The following GALNTL6 variants were observed in gnomAD, a reference collection of about 807,000 sequenced individuals.
GALNTL6 encodes the protein polypeptide N-acetylgalactosaminyltransferase-like 6.
In GALNTL6, 46 loss-of-function variants were observed where a neutral mutation model predicts 73.7. That is an observed-to-expected ratio of 0.62 (90% CI 0.49 to 0.80). The LOEUF (loss-of-function observed/expected upper bound fraction) is 0.80. Among genes scored for constraint, GALNTL6 ranks in the 30% least tolerant of loss-of-function variants. The pLI, the probability that GALNTL6 is intolerant of heterozygous loss-of-function variation, is 0.00. For missense variants in GALNTL6, 604 were observed against 755.0 expected, an observed-to-expected ratio of 0.80 and a Z score of 2.34; for synonymous variants, 259 against 263.7, an observed-to-expected ratio of 0.98 and a Z score of 0.17.
At chr4:172,371,387 C>G (rs1000433885) in intron 5 of GALNTL6, among the ~76,000 whole-genome samples, 1 of 152,264 alleles carries the variant, frequency 6.6e-6, no homozygotes, top group East Asian at 1.9e-4. Context: ...CGGGCTATGC[C>G]CTTGTTTACA....
chr4:171,899,304 CTCAT>C (rs1343642869), intron 2 of GALNTL6, among the ~76,000 whole-genome samples: 2 of 152,018 alleles, frequency 1.3e-5, no homozygotes, highest in African/African-American at 2.4e-5. Context: ...TATTTTTATT[CTCAT>C]TCAAAGTATT....
chr4:172,080,449 C>A (rs910486806), intron 2 of GALNTL6, among the ~76,000 whole-genome samples: 1 of 152,106 alleles, frequency 6.6e-6, no homozygotes, highest in Middle Eastern at 3.2e-3. Flanking sequence ...CAGGCATAAG[C>A]CACTGTGCCT....
intron 5 of GALNTL6, among the ~76,000 whole-genome samples, chr4:172,695,822 G>C (rs527326444): frequency 6.6e-6 from 1 of 151,854 alleles, no homozygotes; most frequent in Non-Finnish European, 1.5e-5. Flanking sequence ...GCATGGTGGC[G>C]GGCACCTGTA....
intron 3 of GALNTL6, among the ~76,000 whole-genome samples, chr4:172,256,209 G>T (rs77425085): frequency 1.3e-5 from 2 of 150,478 alleles, no homozygotes; most frequent in African/African-American, 2.4e-5. Flanking sequence ...CTTCTGTTTC[G>T]CCTGTAAATC....
intron 5 of GALNTL6, among the ~76,000 whole-genome samples, chr4:172,779,645 T>C (rs1402544010): frequency 6.6e-6 from 1 of 152,198 alleles, no homozygotes; most frequent in Non-Finnish European, 1.5e-5. Flanking sequence ...AGTGTCTTTT[T>C]AGGGGAATGG....
intron 2 of GALNTL6, among the ~76,000 whole-genome samples, chr4:172,027,183 A>G (rs982531498): frequency 6.6e-6 from 1 of 152,152 alleles, no homozygotes; most frequent in Non-Finnish European, 1.5e-5. Flanking sequence ...GTGCAAAGCC[A>G]CTAAGCCTGG....
chr4:172,405,429 ATATATATATATATATTTTTTTTTTTT>A (rs1445476303), intron 5 of GALNTL6, among the ~76,000 whole-genome samples: 177 of 16,260 alleles, frequency 0.011, 2 homozygotes, highest in African/African-American at 0.02. Context: ...ATATATATAT[ATATATATATATATATTTTTTTTTTTT>A]TTTTTTTTTT....
intron 2 of GALNTL6, among the ~76,000 whole-genome samples, chr4:172,051,940 C>T (rs2332452): frequency 0.79 from 120,070 of 152,046 alleles, 47,988 homozygotes; most frequent in Non-Finnish European, 0.85. Flanking sequence ...CCAGCATTGA[C>T]AGGGCTCTGG....
chr4:172,196,799 T>C (rs1038462318), intron 2 of GALNTL6, among the ~76,000 whole-genome samples: 3 of 152,074 alleles, frequency 2.0e-5, no homozygotes, highest in African/African-American at 7.2e-5. Context: ...TACCTCAAAA[T>C]AATAAGAGCC....
chr4:171,822,095 C>G (rs1232090637), intron 2 of GALNTL6, among the ~76,000 whole-genome samples: 1 of 151,198 alleles, frequency 6.6e-6, no homozygotes, highest in Non-Finnish European at 1.5e-5. Flanking sequence ...ATTTTTTTTT[C>G]TTCTTACTAA....
intron 3 of GALNTL6, among the ~76,000 whole-genome samples, chr4:172,263,271 G>A (rs529776702): frequency 1.1e-3 from 160 of 151,204 alleles, no homozygotes; most frequent in Non-Finnish European, 2.0e-3. Context: ...TAGTTTTAGT[G>A]ATTTAACATA....
At position 172,512,251 on chromosome 4, in the gene GALNTL6, T is replaced by G. The variant is rs1354300834; in HGVS notation, c.553+163562T>G. Among the ~76,000 whole-genome samples the G allele has an allele frequency of 7.0e-4, 38 of 54,088 alleles. 14 individuals carry two copies. The highest frequency in any genetic ancestry group is 1.8e-3 in the African/African-American group (38 of 21,256). The allele number at this position is 54,088 out of a possible 152,430, so 35.5% of individuals were successfully genotyped here. Reference sequence around the variant, plus strand: ...AAGTCTATTTTGTCTGAGATAGAAATAGCTACTCCTGCTCACTTTTGCTGT... The same window carrying G: ...AAGTCTATTTTGTCTGAGATAGAAAGAGCTACTCCTGCTCACTTTTGCTGT... On this transcript the variant is annotated intron_variant, in intron 5 of 12. Transcript: ENST00000506823.
chr4:172,754,857 A>AT (rs1283441673), intron 5 of GALNTL6, among the ~76,000 whole-genome samples: 5 of 151,658 alleles, frequency 3.3e-5, no homozygotes, highest in African/African-American at 1.2e-4. Flanking sequence ...AAAAAAAAAA[A>AT]AGAAAATGAA....
intron 5 of GALNTL6, among the ~76,000 whole-genome samples, chr4:172,754,680 A>T (rs1265244707): frequency 1.3e-5 from 2 of 152,170 alleles, no homozygotes; most frequent in African/African-American, 4.8e-5. Flanking sequence ...AAATTAAGCT[A>T]TGTTTTTATG....
intron 5 of GALNTL6, among the ~76,000 whole-genome samples, chr4:172,567,174 A>G (rs1010745870): frequency 6.6e-6 from 1 of 151,734 alleles, no homozygotes; most frequent in African/African-American, 2.4e-5. Context: ...ATCTTCACTC[A>G]TTAGTATTTT....
chr4:171,975,126 C>T (rs1054669508), intron 2 of GALNTL6, among the ~76,000 whole-genome samples: 1 of 152,162 alleles, frequency 6.6e-6, no homozygotes, highest in Non-Finnish European at 1.5e-5. Context: ...GTAGTAAGCA[C>T]TTTGCTAAGT....
intron 5 of GALNTL6, among the ~76,000 whole-genome samples, chr4:172,455,893 C>T (rs1732382063): frequency 6.6e-6 from 1 of 152,196 alleles, no homozygotes; most frequent in Non-Finnish European, 1.5e-5. Flanking sequence ...ACCCCAGTGC[C>T]TCCTGACTGG....
chr4:172,483,845 TCTTTTGAGA>T (rs918733206), intron 5 of GALNTL6, among the ~76,000 whole-genome samples: 2 of 152,064 alleles, frequency 1.3e-5, no homozygotes, highest in African/African-American at 4.8e-5. Flanking sequence ...AAAAAAAGAA[TCTTTTGAGA>T]CTAGAAAGGT....
intron 2 of GALNTL6, among the ~76,000 whole-genome samples, chr4:172,007,555 CA>C (rs1740877711): frequency 6.6e-6 from 1 of 151,944 alleles, no homozygotes; most frequent in Admixed American, 6.6e-5. Flanking sequence ...ATCGATCATT[CA>C]AAAAGTGAAA....
Sources: allele counts gnomAD v4.1 joint callset (sites outside exome capture counted in the v4.1 genomes callset), GRCh38; gene constraint gnomAD v4.1.1; transcripts MANE v1.5; gene names NCBI Gene and HGNC (gene_info 2026-07-23, HGNC 2026-07-21).